The following FBF1 variants were observed in gnomAD, a reference collection of about 807,000 sequenced individuals.
FBF1 encodes the protein Fas binding factor 1.
In FBF1, 119 loss-of-function variants were observed where a neutral mutation model predicts 147.2. The ratio of observed to expected loss-of-function variants is 0.81; its 90% CI spans 0.70 to 0.94. The LOEUF is 0.94. Ranked by LOEUF, FBF1 falls within the 40% of genes least tolerant of loss-of-function variation. The pLI is 0.00. For synonymous variants in FBF1, 601 were observed against 609.0 expected (o/e 0.99, Z 0.19); for missense variants, 1,449 against 1,500.8 (o/e 0.97, Z 0.57).
In FBF1 at chr17:75,927,445, C is replaced by T. The variant is rs1179532819; in HGVS notation, c.475+10G>A. 6 of 1,578,446 alleles carry T rather than the reference C, an allele frequency of 3.8e-6. No homozygotes were observed. Among genetic ancestry groups the T allele is most frequent in the Non-Finnish European group, 5.2e-6 (6 of 1,162,180 alleles). On this transcript the variant is annotated intron_variant, in intron 9 of 29. Coordinates refer to ENST00000636174, the MANE Select transcript of FBF1 (RefSeq NM_001319193.2). ...GAGTGTCCCAGAGGCATGACAGGAG[C>T]CTATGGTACCTTCAGAGGAAAACCT...
Position 75,923,420 on chromosome 17 carries a change from T to A in FBF1, c.1190A>T (p.His397Leu). 1 of 1,607,580 alleles carries A rather than the reference T, an allele frequency of 6.2e-7. No individual in the cohort carries two copies. The highest frequency in any genetic ancestry group is 8.5e-7 in the Non-Finnish European group (1 of 1,177,482). Reference protein sequence around the residue: ...TPSVPPPASQHSTPAGLPPSR... With the variant: ...TPSVPPPASQLSTPAGLPPSR... The stretch of plus-strand genomic sequence containing the variant: ...GGGGGGCAGCCCAGCTGGCGTGGAG[T>A]GCTGGCTCGCAGGAGGAGGCACTGA... The change falls in exon 14 of 30, where the codon CAC becomes CTC. Residue 397 changes from histidine to leucine, a missense_variant. By Grantham distance (99) the His-to-Leu change is moderately conservative (BLOSUM62 -3). Coordinates refer to ENST00000636174, the MANE Select transcript of FBF1 (RefSeq NM_001319193.2). This position sits in a 1 kb window ranked among gnomAD's most constrained non-coding sequence, Gnocchi z 4.1.
intron 10 of FBF1, 48 bp downstream of exon 10, chr17:75,926,710 C>T (rs1179002151): frequency 1.3e-6 from 2 of 1,577,914 alleles, no homozygotes; most frequent in Non-Finnish European, 1.7e-6. Context: ...TAGCTTGTTG[C>T]CAATAAACTC....
Position 75,925,526 on chromosome 17 carries a change from C to T in FBF1, c.869-80G>A. The T allele has an allele frequency of 8.0e-7, 1 of 1,248,156 alleles. No homozygotes were observed. Among genetic ancestry groups the T allele is most frequent in the East Asian group, 2.5e-5 (1 of 39,904 alleles). 77.3% of individuals were successfully genotyped at this position (1,248,156 alleles called of 1,614,324 possible). On this transcript the variant is annotated intron_variant, in intron 12 of 29. Transcript: ENST00000636174. The surrounding 1 kb of genome is among the most constrained non-coding windows in gnomAD (Gnocchi z 5.0). Reference sequence around the variant, plus strand: ...TGCGGCTGCAAAATTCTAACAAAAGCTGAATTTGGTAGCTTGTTGTGTAAG... The same window carrying T: ...TGCGGCTGCAAAATTCTAACAAAAGTTGAATTTGGTAGCTTGTTGTGTAAG...
chr17:75,927,503 G>A lies in FBF1; in HGVS notation c.427C>T (p.Pro143Ser). ...TGATGCCCAGAGCTGCTGGGAGACG[G>A]AAGTGACTTCTTGGTGGGAATGGCA... is the stretch of plus-strand genomic sequence containing the variant. ...GGAIPTKKSL[P>S]SPSSSGHQNR... The change falls in exon 9 of 30, where the codon CCG (proline) becomes TCG (serine). Residue 143 changes from proline to serine, a missense_variant. Transcript: ENST00000636174. 2 of 1,603,948 alleles carry A rather than the reference G, an allele frequency of 1.2e-6. No homozygotes were observed. The highest frequency in any genetic ancestry group is 1.1e-5 in the South Asian group (1 of 88,976).
intron 1 of FBF1, among the ~76,000 whole-genome samples, chr17:75,939,346 T>G (rs970814851): frequency 1.3e-5 from 2 of 148,724 alleles, no homozygotes; most frequent in Non-Finnish European, 3.0e-5. Flanking sequence ...ATGGGCTTTC[T>G]GAGGCTTTGA....
chr17:75,929,491 G>C (rs533769646), intron 7 of FBF1, among the ~76,000 whole-genome samples: 1 of 152,308 alleles, frequency 6.6e-6, no homozygotes, highest in South Asian at 2.1e-4. Flanking sequence ...TGGCTGGAAG[G>C]AGAGGGAGAA....
chr17:75,932,939 C>T, intron 5 of FBF1, 56 bp downstream of exon 5: 1 of 1,206,086 alleles, frequency 8.3e-7, no homozygotes, highest in Non-Finnish European at 1.2e-6. Flanking sequence ...GGTGGAGGGG[C>T]AGAGAGCATT....
At position 75,915,125 on chromosome 17, in the gene FBF1, C is replaced by T; in HGVS notation, c.2520G>A (p.Val840=). Residue 840 remains valine, a synonymous_variant, in exon 24 of 30, where the codon GTG becomes GTA. Coordinates refer to ENST00000636174, the MANE Select transcript of FBF1 (RefSeq NM_001319193.2). ...SRLLEQERWR[V]TAEQSKAESM... is the part of the protein sequence containing the mutation. ...ACTCCGCCTTGGACTGCTCGGCAGT[C>T]ACCCGCCAGCGTTCCTGTAGGGCCC... The T allele has an allele frequency of 6.2e-7, 1 of 1,607,416 alleles. No individual in the cohort carries two copies. Among genetic ancestry groups the T allele is most frequent in the East Asian group, 2.2e-5 (1 of 44,764 alleles).
In FBF1 at chr17:75,917,975, T is replaced by A. The variant is rs1214310573; in HGVS notation, c.2342A>T (p.Gln781Leu). The A allele has an allele frequency of 6.2e-7, 1 of 1,610,082 alleles. No homozygotes were observed. The highest frequency in any genetic ancestry group is 1.1e-5 in the South Asian group (1 of 90,684). Residue 781 changes from glutamine to leucine, a missense_variant, in exon 22 of 30, where the codon CAG becomes CTG. Physicochemically the swap from Gln to Leu is moderately radical, Grantham distance 113. Transcript: ENST00000636174. ...RVEASHLTTS[Q>L]ERELGIRQRD... ...CTGCCGGATCCCCAGCTCCCGCTCC[T>A]GGGAGGTGGTGAGGTGCGAGGCCTC...
rs189927146 is a variant in FBF1 at position 75,936,947 on chromosome 17, C to T, written c.31+619G>A. 6.9e-3 allele frequency among the ~76,000 whole-genome samples: 1,044 copies of T among 152,220 alleles called. 11 individuals are homozygous for T. Among genetic ancestry groups the T allele is most frequent in the Middle Eastern group, 0.034 (10 of 294 alleles). On this transcript the variant is annotated intron_variant, in intron 3 of 29. Coordinates refer to ENST00000636174, the MANE Select transcript of FBF1 (RefSeq NM_001319193.2). ...ATCAATGGCCACTTTCTGATGGAGG[C>T]ATGTGGGGGAACCTAAGTATGAATA...
chr17:75,929,945 A>ACGGGGCCC, intron 7 of FBF1, 52 bp downstream of exon 7: 1 of 650,912 alleles, frequency 1.5e-6, no homozygotes, highest in Non-Finnish European at 2.8e-6. Context: ...AAATATCATG[A>ACGGGGCCC]CCCCACCCCA....
rs765224061 is a variant in FBF1, at chr17:75,925,998, C to T, written c.868+32G>A. ...AAGCCTGATCTAGAGGCCTCCCTCCCGTCCTGTTGCGGCCCCCGCAAGCCT... is the reference window on the plus strand; with the variant it reads ...AAGCCTGATCTAGAGGCCTCCCTCCTGTCCTGTTGCGGCCCCCGCAAGCCT... On this transcript the variant is annotated intron_variant, in intron 12 of 29. Transcript: ENST00000636174. This position sits in a 1 kb window ranked among gnomAD's most constrained non-coding sequence, Gnocchi z 5.0. The T allele has an allele frequency of 7.0e-6, 11 of 1,577,650 alleles. No homozygotes were observed. The highest frequency in any genetic ancestry group is 1.8e-5 in the Admixed American group (1 of 55,426).
chr17:75,919,624 C>T lies in FBF1; in HGVS notation c.2138+44G>A. 1 of 1,552,024 alleles carries T rather than the reference C, an allele frequency of 6.4e-7. No homozygotes were observed. On this transcript the variant is annotated intron_variant, in intron 20 of 29. Coordinates refer to ENST00000636174, the MANE Select transcript of FBF1 (RefSeq NM_001319193.2). This position sits in a 1 kb window ranked among gnomAD's most constrained non-coding sequence, Gnocchi z 5.0. ...CGTGGGGATGGCTCTCTTCCGGCTA[C>T]TCCTTGCAAGCCTGCTCCCCAGCTG... is the stretch of plus-strand genomic sequence containing the variant.
chr17:75,935,573 A>C (rs1399785301), intron 4 of FBF1, 59 bp downstream of exon 4: 1 of 1,496,524 alleles, frequency 6.7e-7, no homozygotes, highest in Non-Finnish European at 9.0e-7. Context: ...GCAACATAGT[A>C]AGAAAAAAAA....
chr17:75,915,858 A>G (rs145531313), intron 23 of FBF1, among the ~76,000 whole-genome samples: 3,831 of 151,996 alleles, frequency 0.025, 66 homozygotes, highest in Non-Finnish European at 0.039. Flanking sequence ...AAATACAAAA[A>G]TTAGCTGGGC....
intron 6 of FBF1, 58 bp from the exon 7 acceptor site, chr17:75,930,105 T>C: frequency 7.2e-7 from 1 of 1,383,572 alleles, no homozygotes; most frequent in Non-Finnish European, 1.0e-6. Flanking sequence ...CAAGGCCCAA[T>C]AAAACTCAGG....
At chr17:75,930,826 G>A (rs547671832) in intron 6 of FBF1, among the ~76,000 whole-genome samples, 17 of 152,324 alleles carry the variant, frequency 1.1e-4, no homozygotes, top group Admixed American at 3.3e-4. Context: ...AGAGGCTGAG[G>A]CAGGAGAATC....
intron 5 of FBF1, among the ~76,000 whole-genome samples, chr17:75,932,475 G>A (rs776166232): frequency 1.3e-5 from 2 of 152,186 alleles, no homozygotes; most frequent in Admixed American, 6.5e-5. Context: ...GCACGGCCAG[G>A]TGCGAGTGAC....
At chr17:75,921,635 T>C in intron 15 of FBF1, 75 bp from the exon 16 acceptor site, 1 of 912,766 alleles carries the variant, frequency 1.1e-6, no homozygotes, top group Non-Finnish European at 1.5e-6. Flanking sequence ...GGGCAGCCTC[T>C]AGGTGGGACA....
Sources: allele counts gnomAD v4.1 joint callset (sites outside exome capture counted in the v4.1 genomes callset), GRCh38; gene constraint gnomAD v4.1.1; non-coding constraint Gnocchi (gnomAD v3.1); transcripts MANE v1.5; gene names NCBI Gene and HGNC (gene_info 2026-07-23, HGNC 2026-07-21).